PIAS1: variants seen among roughly 807,000 people sequenced by gnomAD.
PIAS1 encodes E3 SUMO-protein ligase PIAS1.
Under a neutral mutation model 71.3 loss-of-function variants are expected in PIAS1, and 6 were observed. The observed-to-expected ratio is 0.08, with a 90% CI of 0.05 to 0.17. The LOEUF (loss-of-function observed/expected upper bound fraction) is 0.17, where lower values mean the gene tolerates loss of function less well. Among genes scored for constraint, PIAS1 ranks in the 10% least tolerant of loss-of-function variants. PIAS1 has a pLI of 1.00. For synonymous variants in PIAS1, 303 were observed against 292.9 expected, an observed-to-expected ratio of 1.03 and a Z score of -0.35; for missense variants, 555 against 793.6, an observed-to-expected ratio of 0.70 and a Z score of 3.61.
At position 68,187,471 on chromosome 15, in the gene PIAS1, C is replaced by T; in HGVS notation, c.1663-71C>T. 17 of 1,388,466 alleles carry T rather than the reference C, an allele frequency of 1.2e-5. No individual in the cohort carries two copies. Among genetic ancestry groups the T allele is most frequent in the Non-Finnish European group, 1.7e-5 (17 of 991,736 alleles). The allele number at this position is 1,388,466 out of a possible 1,614,324, so 86.0% of individuals were successfully genotyped here. A position where few individuals can be genotyped will look rare whatever the true frequency, so the allele number is the denominator to read the frequency against. ...GCTATCTTAAATTTAGGGCTGTGTC[C>T]CGCTGAGGAGAAAATATATTAATTT... On this transcript the variant is annotated intron_variant, in intron 13 of 13. Transcript: ENST00000249636. The surrounding 1 kb of genome is among the most constrained non-coding windows in gnomAD (Gnocchi z 5.3).
At chr15:68,097,799 A>G (rs2092389628) in intron 2 of PIAS1, among the ~76,000 whole-genome samples, 1 of 152,096 alleles carries the variant, frequency 6.6e-6, no homozygotes, top group African/African-American at 2.4e-5. Flanking sequence ...TTTTCCCATT[A>G]TTCTATTAAT....
At chr15:68,149,562 C>T (rs2092831750) in intron 6 of PIAS1, among the ~76,000 whole-genome samples, 1 of 151,800 alleles carries the variant, frequency 6.6e-6, no homozygotes, top group Non-Finnish European at 1.5e-5. Flanking sequence ...AATGGGTTTC[C>T]TACAATTCCT....
intron 2 of PIAS1, among the ~76,000 whole-genome samples, chr15:68,129,794 T>TACACACACACACAC (rs67860159): frequency 2.1e-5 from 3 of 144,986 alleles, no homozygotes; most frequent in African/African-American, 7.7e-5. Context: ...TAATTGTATT[T>TACACACACACACAC]ACACACACAC....
At position 68,167,100 on chromosome 15, in the gene PIAS1, C is replaced by A. The variant is rs923114491; in HGVS notation, c.1008+2296C>A. ...CCTTGGCCTCCCTTGGGATTACAGG[C>A]GTGAGCCACCACACCTGGCCAGCAG... On this transcript the variant is annotated intron_variant, in intron 8 of 13. Coordinates refer to ENST00000249636, the MANE Select transcript of PIAS1 (RefSeq NM_016166.3). The surrounding 1 kb of genome is among the most constrained non-coding windows in gnomAD (Gnocchi z 4.4). Among the ~76,000 whole-genome samples, 2 of 152,164 alleles carry A rather than the reference C, an allele frequency of 1.3e-5. No individual in the cohort carries two copies.
intron 1 of PIAS1, chr15:68,055,171 G>T (rs1174995596): frequency 8.1e-6 from 8 of 984,312 alleles, no homozygotes; most frequent in Non-Finnish European, 9.6e-6. Context: ...GGTGTGGAGG[G>T]TGAGAGGAGC....
chr15:68,166,453 G>T (rs1474069663), intron 8 of PIAS1, among the ~76,000 whole-genome samples: 3 of 151,822 alleles, frequency 2.0e-5, no homozygotes, highest in Non-Finnish European at 4.4e-5. Flanking sequence ...GTAAAAAGGT[G>T]TATATTTATT....
intron 1 of PIAS1, among the ~76,000 whole-genome samples, chr15:68,083,040 A>G (rs536701859): frequency 9.2e-5 from 14 of 152,290 alleles, no homozygotes; most frequent in African/African-American, 3.4e-4. Flanking sequence ...ATCTCTATCA[A>G]TTGAGGACGT....
intron 2 of PIAS1, among the ~76,000 whole-genome samples, chr15:68,088,653 T>C (rs1299144437): frequency 2.0e-5 from 3 of 152,132 alleles, no homozygotes; most frequent in Non-Finnish European, 2.9e-5. Context: ...GTTTATTGGC[T>C]CAATAAATAT....
At chr15:68,088,047 A>G (rs1410448769) in intron 2 of PIAS1, among the ~76,000 whole-genome samples, 1 of 151,594 alleles carries the variant, frequency 6.6e-6, no homozygotes, top group Non-Finnish European at 1.5e-5. Context: ...GTGTATGCAT[A>G]TATAGTATAA....
intron 11 of PIAS1, among the ~76,000 whole-genome samples, chr15:68,180,752 C>T (rs779611871): frequency 1.6e-4 from 25 of 152,188 alleles, no homozygotes; most frequent in Non-Finnish European, 2.9e-4. Flanking sequence ...CCGAACCACT[C>T]AGATTGCTTC....
intron 6 of PIAS1, among the ~76,000 whole-genome samples, chr15:68,152,197 C>T (rs373297560): frequency 6.6e-6 from 1 of 151,972 alleles, no homozygotes; most frequent in African/African-American, 2.4e-5. Flanking sequence ...GACCTACCCA[C>T]CTCAGCCTCC....
chr15:68,150,395 C>T (rs951223261), intron 6 of PIAS1, among the ~76,000 whole-genome samples: 2 of 152,102 alleles, frequency 1.3e-5, no homozygotes, highest in African/African-American at 4.8e-5. Flanking sequence ...AAGTAAAACA[C>T]TAAATCAGCA....
At chr15:68,154,352 G>A (rs1431882351) in intron 7 of PIAS1, among the ~76,000 whole-genome samples, 1 of 152,204 alleles carries the variant, frequency 6.6e-6, no homozygotes, top group Non-Finnish European at 1.5e-5. Flanking sequence ...TTCCAAAGAG[G>A]TGAACTAAGT....
In PIAS1 at chr15:68,193,142, G is replaced by A. The variant is rs1004952119; in HGVS notation, c.*5307G>A. 1 of 152,332 alleles carries A rather than the reference G, an allele frequency of 6.6e-6. No homozygotes were observed. The highest frequency in any genetic ancestry group is 1.5e-5 in the Non-Finnish European group (1 of 68,148). 9.4% of individuals were successfully genotyped at this position (152,332 alleles called of 1,614,324 possible). A position where few individuals can be genotyped will look rare whatever the true frequency, so the allele number is the denominator to read the frequency against. On this transcript the variant is annotated 3_prime_UTR_variant, in exon 14 of 14. Coordinates refer to ENST00000249636, the MANE Select transcript of PIAS1 (RefSeq NM_016166.3). ...GGTGGCTTAAGGCAATGACCAGTGT[G>A]GGCCACTTGAGCAGACCATCCCGGA...
intron 2 of PIAS1, among the ~76,000 whole-genome samples, chr15:68,140,035 C>A (rs1442353873): frequency 6.6e-6 from 1 of 152,032 alleles, no homozygotes. Flanking sequence ...CCAAAAACTA[C>A]AAAGTGTGAA....
At chr15:68,127,836 C>T (rs187137349) in intron 2 of PIAS1, among the ~76,000 whole-genome samples, 8 of 152,232 alleles carry the variant, frequency 5.3e-5, no homozygotes, top group South Asian at 4.1e-4. Flanking sequence ...GACCTCAGCT[C>T]GCTGCAACCT....
At chr15:68,156,727 A>AAGAG (rs56927626) in intron 7 of PIAS1, among the ~76,000 whole-genome samples, 1 of 143,826 alleles carries the variant, frequency 7.0e-6, no homozygotes, top group Non-Finnish European at 1.5e-5. Context: ...AAAAAAAAAA[A>AAGAG]AGAGAGAGAG....
At chr15:68,104,132 A>G (rs2092450709) in intron 2 of PIAS1, among the ~76,000 whole-genome samples, 1 of 152,088 alleles carries the variant, frequency 6.6e-6, no homozygotes, top group South Asian at 2.1e-4. Context: ...TAGTCATCCT[A>G]GTGGGTGTGA....
At chr15:68,073,607 C>G (rs763042832) in intron 1 of PIAS1, among the ~76,000 whole-genome samples, 2 of 152,150 alleles carry the variant, frequency 1.3e-5, no homozygotes, top group Non-Finnish European at 2.9e-5. Flanking sequence ...TGAGAACTTA[C>G]TGATTTGGAG....
Sources: allele counts gnomAD v4.1 joint callset (sites outside exome capture counted in the v4.1 genomes callset), GRCh38; gene constraint gnomAD v4.1.1; non-coding constraint Gnocchi (gnomAD v3.1); transcripts MANE v1.5; gene names NCBI Gene and HGNC (gene_info 2026-07-23, HGNC 2026-07-21).